ARHGEF18: variants seen among roughly 807,000 people sequenced by gnomAD.
ARHGEF18 encodes rho guanine nucleotide exchange factor 18.
A neutral mutation model predicts 155.7 loss-of-function variants in ARHGEF18; 93 were observed. The ratio of observed to expected loss-of-function variants is 0.60; its 90% confidence interval spans 0.50 to 0.71. The LOEUF (loss-of-function observed/expected upper bound fraction) is 0.71. Among genes scored for constraint, ARHGEF18 ranks in the 30% least tolerant of loss-of-function variants. The pLI is 0.00. For missense variants in ARHGEF18, 1,593 were observed against 1,816.1 expected, an observed-to-expected ratio of 0.88 and a Z score of 2.23; for synonymous variants, 742 against 753.1, an observed-to-expected ratio of 0.99 and a Z score of 0.24.
chr19:7,460,469 A>G lies in ARHGEF18; in HGVS notation c.2452+475A>G, dbSNP rs115436402. On this transcript the variant is annotated intron_variant, in intron 20 of 28. Transcript: ENST00000668164. Reference sequence around the variant, plus strand: ...TCAGGGGCATTTCAGTGCATTTCCAATTATGCAGCCAGAATCATGTTAACT... The same window carrying G: ...TCAGGGGCATTTCAGTGCATTTCCAGTTATGCAGCCAGAATCATGTTAACT... Among the ~76,000 whole-genome samples, 1,454 of 152,144 alleles carry G rather than the reference A, an allele frequency of 9.6e-3. 19 individuals carry two copies. The highest frequency in any genetic ancestry group is 0.031 in the Middle Eastern group (9 of 294).
chr19:7,420,450 A>T (rs1056147503), intron 10 of ARHGEF18, among the ~76,000 whole-genome samples: 2 of 151,762 alleles, frequency 1.3e-5, no homozygotes, highest in African/African-American at 4.8e-5. Context: ...ACGTGGTTTC[A>T]TCATGTTGCC....
chr19:7,415,426 A>T (rs1029760815), intron 10 of ARHGEF18, among the ~76,000 whole-genome samples: 15 of 150,834 alleles, frequency 9.9e-5, no homozygotes, highest in African/African-American at 3.7e-4. Flanking sequence ...CCCTGCGTCC[A>T]CCAGCAACCC....
chr19:7,401,895 C>T (rs940172848), intron 10 of ARHGEF18, among the ~76,000 whole-genome samples: 6 of 152,116 alleles, frequency 3.9e-5, no homozygotes, highest in Admixed American at 3.9e-4. Context: ...TATTACTTGG[C>T]CATGAAAAAG....
chr19:7,379,134 G>C lies in ARHGEF18; in HGVS notation c.612G>C (p.Gln204His). The change falls in exon 7 of 29, where the codon CAG (glutamine) becomes CAC (histidine). Residue 204 changes from glutamine (Q) to histidine (H), a missense_variant. Physicochemically the swap from Gln to His is conservative, Grantham distance 24 (BLOSUM62 0). Transcript: ENST00000668164. ...TCCACCCCCACAGGCTGATTGTCCAGCAGGTGCTTCAAGAACTTCGACAGT... is the reference window on the plus strand; with the variant it reads ...TCCACCCCCACAGGCTGATTGTCCACCAGGTGCTTCAAGAACTTCGACAGT... ...HVEPDHVLIV[Q>H]QVLQELRQYH... 3.2e-6 allele frequency: 4 copies of C among 1,232,606 alleles called. No homozygotes were observed. The highest frequency in any genetic ancestry group is 4.0e-6 in the Non-Finnish European group (4 of 988,376). 76.4% of individuals were successfully genotyped at this position (1,232,606 alleles called of 1,614,324 possible). A position where few individuals can be genotyped will look rare whatever the true frequency, so the allele number is the denominator to read the frequency against.
intron 10 of ARHGEF18, among the ~76,000 whole-genome samples, chr19:7,426,570 T>G (rs1353263103): frequency 6.6e-6 from 1 of 151,926 alleles, no homozygotes; most frequent in Non-Finnish European, 1.5e-5. Flanking sequence ...AATCGACGTC[T>G]AGTGATTTGG....
intron 6 of ARHGEF18, 85 bp from the exon 7 acceptor site, chr19:7,379,037 T>C: frequency 1.7e-6 from 2 of 1,191,080 alleles, no homozygotes; most frequent in South Asian, 8.5e-5. Flanking sequence ...TGAGGCCTGC[T>C]TGGGCAACCC....
chr19:7,468,677 G>A (rs1315781480), intron 26 of ARHGEF18, 148 bp from the exon 27 acceptor site: 13 of 853,322 alleles, frequency 1.5e-5, no homozygotes, highest in African/African-American at 6.9e-5. Context: ...GGTTGGGGAC[G>A]GGCAATGACC....
intron 10 of ARHGEF18, among the ~76,000 whole-genome samples, chr19:7,429,314 AAC>A (rs1973830646): frequency 6.6e-6 from 1 of 152,172 alleles, no homozygotes. Context: ...AAGCCCGTTA[AAC>A]AGAAGGCCAG....
chr19:7,439,281 C>CCA (rs751682325), intron 10 of ARHGEF18, among the ~76,000 whole-genome samples: 2 of 23,476 alleles, frequency 8.5e-5, no homozygotes, highest in Admixed American at 5.2e-4. Context: ...CATAGTGAGA[C>CCA]CCCCCCCCAA....
chr19:7,421,112 G>A (rs549798903), intron 10 of ARHGEF18, among the ~76,000 whole-genome samples: 2 of 146,374 alleles, frequency 1.4e-5, no homozygotes, highest in Middle Eastern at 3.4e-3. Flanking sequence ...TGTATTTTTT[G>A]TAGGGATGTG....
Position 7,470,585 on chromosome 19 carries a change from T to C in ARHGEF18, c.*287T>C, listed in dbSNP as rs1976966707. The C allele has an allele frequency of 5.0e-6, 2 of 397,770 alleles. No homozygotes were observed. Among genetic ancestry groups the C allele is most frequent in the East Asian group, 7.1e-5 (2 of 27,980 alleles). 24.6% of individuals were successfully genotyped at this position (397,770 alleles called of 1,614,324 possible). On this transcript the variant is annotated 3_prime_UTR_variant, in exon 29 of 29. Transcript: ENST00000668164. The surrounding 1 kb of genome is among the most constrained non-coding windows in gnomAD (Gnocchi z 5.9). ...GCCAGAACTAAACCAGGGAGCTGTC[T>C]GAAATCATAGCACCCCATCCGGGTG...
intron 10 of ARHGEF18, among the ~76,000 whole-genome samples, chr19:7,430,952 A>G (rs1275619228): frequency 3.9e-5 from 6 of 152,156 alleles, no homozygotes; most frequent in Non-Finnish European, 8.8e-5. Context: ...GCATCACTTG[A>G]GTCCAGGAGT....
In ARHGEF18 at chr19:7,470,487, C is replaced by T. The variant is rs375870629; in HGVS notation, c.*189C>T. 1.6e-4 allele frequency: 74 copies of T among 459,568 alleles called. No homozygotes were observed. Among genetic ancestry groups the T allele is most frequent in the African/African-American group, 1.3e-3 (66 of 49,424 alleles). 28.5% of individuals were successfully genotyped at this position (459,568 alleles called of 1,614,324 possible). On this transcript the variant is annotated 3_prime_UTR_variant, in exon 29 of 29. Transcript: ENST00000668164. This position sits in a 1 kb window ranked among gnomAD's most constrained non-coding sequence, Gnocchi z 5.9. ...CTTGCAGCTGTTTCTGTAGGGTTAG[C>T]GGTGGTGCCGGGGTCACTTTCTGAA... is the stretch of plus-strand genomic sequence containing the variant.
Position 7,404,870 on chromosome 19 carries a change from G to A in ARHGEF18, c.967+21667G>A, listed in dbSNP as rs149386103. ...GACCAAAAACAGAACATTCTATACC[G>A]TGATCCAATGGGCACACGTACAATA... On this transcript the variant is annotated intron_variant, in intron 10 of 28. Coordinates refer to ENST00000668164, the MANE Select transcript of ARHGEF18 (RefSeq NM_001367823.1). Among the ~76,000 whole-genome samples, 525 of 152,216 alleles carry A rather than the reference G, an allele frequency of 3.4e-3. 1 individual carries two copies. Among genetic ancestry groups the A allele is most frequent in the African/African-American group, 0.012 (498 of 41,548 alleles).
chr19:7,478,581 G>A, the ARHGEF18 span, among the ~76,000 whole-genome samples: 17 of 152,182 alleles, frequency 1.1e-4, no homozygotes, highest in African/African-American at 3.9e-4. Flanking sequence ...CGTCCCACCC[G>A]GGACATCGTC....
chr19:7,407,872 G>C (rs1972417103), intron 10 of ARHGEF18, among the ~76,000 whole-genome samples: 2 of 145,916 alleles, frequency 1.4e-5, no homozygotes, highest in Admixed American at 1.4e-4. Context: ...TGAGGCAGGA[G>C]AATGGCGTGA....
At chr19:7,385,870 TCCCCCCTCCCTCTCTCCCTCCCTCC>T (rs1971012328) in intron 10 of ARHGEF18, among the ~76,000 whole-genome samples, 16 of 29,556 alleles carry the variant, frequency 5.4e-4, no homozygotes, top group African/African-American at 1.7e-3. Context: ...TCTCTCTCTC[TCCCCCCTCCCTCTCTCCCTCCCTCC>T]CTCTCTCTCT....
the ARHGEF18 span, chr19:7,478,296 G>A: frequency 6.2e-7 from 1 of 1,608,538 alleles, no homozygotes; most frequent in African/African-American, 1.3e-5. Context: ...TCCCTGCTGG[G>A]TGATCACGGG....
At chr19:7,413,294 C>CTTTTTTT (rs71179106) in intron 10 of ARHGEF18, among the ~76,000 whole-genome samples, 1 of 138,288 alleles carries the variant, frequency 7.2e-6, no homozygotes, top group African/African-American at 2.7e-5. Flanking sequence ...AAACAAAAAG[C>CTTTTTTT]TTTTTTTTTT....
Sources: gnomAD v4.1 joint callset for allele counts (sites outside exome capture counted in the v4.1 genomes callset) on GRCh38, gnomAD v4.1.1 for gene constraint, Gnocchi (gnomAD v3.1) non-coding constraint, MANE v1.5 for transcripts, NCBI Gene and HGNC (gene_info 2026-07-23, HGNC 2026-07-21) for gene names.